DENND2A: variants seen among roughly 807,000 people sequenced by gnomAD.
DENND2A encodes the protein DENN domain containing 2A.
A neutral mutation model predicts 105.3 loss-of-function variants in DENND2A; 53 were observed. The ratio of observed to expected loss-of-function variants is 0.50; its 90% CI spans 0.40 to 0.63. DENND2A has a LOEUF of 0.63. Ranked by LOEUF, DENND2A falls within the 30% of genes least tolerant of loss-of-function variation. The pLI, the probability that DENND2A is intolerant of heterozygous loss-of-function variation, is 0.00. For synonymous variants in DENND2A, 522 were observed against 508.4 expected, an observed-to-expected ratio of 1.03 and a Z score of -0.36; for missense variants, 1,138 against 1,279.6, an observed-to-expected ratio of 0.89 and a Z score of 1.69.
chr7:140,580,478 C>T (rs921825169), intron 5 of DENND2A, among the ~76,000 whole-genome samples: 38 of 152,068 alleles, frequency 2.5e-4, no homozygotes, highest in African/African-American at 9.2e-4. Context: ...CACCACCATG[C>T]CTATCTAATT....
intron 14 of DENND2A, among the ~76,000 whole-genome samples, chr7:140,534,333 T>G (rs1481909159): frequency 6.6e-6 from 1 of 152,062 alleles, no homozygotes; most frequent in East Asian, 1.9e-4. Flanking sequence ...TCTGCCCACC[T>G]TGGCCTCCCA....
chr7:140,547,294 A>C (rs1796948631), intron 12 of DENND2A, among the ~76,000 whole-genome samples: 1 of 152,240 alleles, frequency 6.6e-6, no homozygotes, highest in South Asian at 2.1e-4. Flanking sequence ...GGGAGGAATG[A>C]AAAAACTTAG....
In DENND2A at chr7:140,574,001, A is replaced by C. The variant is rs1798202227; in HGVS notation, c.1253T>G (p.Leu418Trp). 6.2e-7 allele frequency: 1 copy of C among 1,614,162 alleles called. No homozygotes were observed. Among genetic ancestry groups the C allele is most frequent in the East Asian group, 2.2e-5 (1 of 44,874 alleles). ...SIPDTLTKQS[L>W]SKPAFFRQNS... ...TTGTCGGAAAAAAGCAGGTTTGGACAATGACTGCTGTGAAGGAAAAGGAGA... is the reference window on the plus strand; with the variant it reads ...TTGTCGGAAAAAAGCAGGTTTGGACCATGACTGCTGTGAAGGAAAAGGAGA... Residue 418 changes from leucine to tryptophan, a missense_variant, in exon 6 of 20, where the codon TTG becomes TGG. Leu to Trp is a moderately conservative substitution (Grantham distance 61). Around this residue, in one of 2 missense-constraint regions of DENND2A, gnomAD observed 627 missense variants for 779.8 expected, o/e 0.80. Transcript: ENST00000496613.
At chr7:140,585,539 C>A in intron 5 of DENND2A, 50 bp downstream of exon 5, 1 of 1,611,210 alleles carries the variant, frequency 6.2e-7, no homozygotes, top group Non-Finnish European at 8.5e-7. Flanking sequence ...GTGCTCAAGG[C>A]CACCATGCTT....
chr7:140,554,506 C>T (rs187763458), intron 12 of DENND2A, among the ~76,000 whole-genome samples: 42 of 150,760 alleles, frequency 2.8e-4, no homozygotes, highest in Non-Finnish European at 2.2e-4. Flanking sequence ...CGTGGTGGCA[C>T]GCGCCTGTAA....
At chr7:140,528,878 GGAGGCTGAGGTGGTCA>G (rs1796155524) in intron 14 of DENND2A, among the ~76,000 whole-genome samples, 1 of 152,090 alleles carries the variant, frequency 6.6e-6, no homozygotes, top group African/African-American at 2.4e-5. Context: ...CAGCACTTTG[GGAGGCTGAGGTGGTCA>G]GAAGTTCAAG....
intron 5 of DENND2A, among the ~76,000 whole-genome samples, chr7:140,574,503 G>A (rs1035230442): frequency 1.3e-5 from 2 of 152,028 alleles, no homozygotes; most frequent in East Asian, 3.9e-4. Context: ...ACAGGCATGA[G>A]CCACCACACC....
Position 140,616,169 on chromosome 7 carries a change from C to A in DENND2A, c.-247-10363G>T, listed in dbSNP as rs150662154. 3.6e-3 allele frequency among the ~76,000 whole-genome samples: 546 copies of A among 152,200 alleles called. 2 individuals carry two copies. The highest frequency in any genetic ancestry group is 0.012 in the African/African-American group (501 of 41,542). ...ATCACCTGAGCTCAGGAGTTCAAGA[C>A]CAGCCTGGCCAACATGGTGAAACCC... On this transcript the variant is annotated intron_variant, in intron 1 of 19. Coordinates refer to ENST00000496613, the MANE Select transcript of DENND2A (RefSeq NM_015689.5).
At chr7:140,522,177 T>G in intron 17 of DENND2A, 77 bp from the exon 18 acceptor site, 1 of 1,554,468 alleles carries the variant, frequency 6.4e-7, no homozygotes, top group Non-Finnish European at 8.7e-7. Context: ...AGCCAATTGG[T>G]AATCAAAGAA....
intron 12 of DENND2A, among the ~76,000 whole-genome samples, chr7:140,547,765 A>C (rs920771868): frequency 1.3e-5 from 2 of 152,244 alleles, no homozygotes; most frequent in African/African-American, 2.4e-5. Context: ...AGTGATAAAC[A>C]AAATGCACTA....
At chr7:140,558,356 C>A in intron 10 of DENND2A, 144 bp from the exon 11 acceptor site, 1 of 604,046 alleles carries the variant, frequency 1.7e-6, no homozygotes, top group Non-Finnish European at 3.0e-6. Context: ...CCCACCTGTC[C>A]CTGTCCATGC....
At chr7:140,548,840 C>T (rs1201166844) in intron 12 of DENND2A, among the ~76,000 whole-genome samples, 2 of 151,516 alleles carry the variant, frequency 1.3e-5, no homozygotes, top group Non-Finnish European at 1.5e-5. Context: ...CTCGAACTCC[C>T]GACCTCAGGT....
chr7:140,606,046 AT>A, intron 1 of DENND2A, among the ~76,000 whole-genome samples: 1 of 151,722 alleles, frequency 6.6e-6, no homozygotes, highest in African/African-American at 2.4e-5. Context: ...TTTTTTGTTC[AT>A]TTGTTTTTTT....
In DENND2A at chr7:140,526,923, CTTGG is replaced by C. The variant is rs780265765; in HGVS notation, c.2505+391_2505+394del. ...TCGATGCTAAACTGGACACCCAGAA[CTTGG>C]GGATTAAAAACATTTGTAACGGATA... On this transcript the variant is annotated intron_variant, in intron 15 of 19. Transcript: ENST00000496613. Among the ~76,000 whole-genome samples the C allele has an allele frequency of 1.4e-4, 21 of 152,268 alleles. No homozygotes were observed. In the East Asian group the frequency reaches 3.3e-3, roughly 24 times the overall value.
intron 1 of DENND2A, among the ~76,000 whole-genome samples, chr7:140,627,946 C>T (rs780944977): frequency 3.2e-4 from 49 of 152,078 alleles, no homozygotes; most frequent in South Asian, 8.3e-4. Context: ...CGTGTACCAC[C>T]ATGCCCAACT....
At chr7:140,538,565 G>A (rs947655135) in intron 14 of DENND2A, among the ~76,000 whole-genome samples, 13 of 152,102 alleles carry the variant, frequency 8.5e-5, no homozygotes, top group South Asian at 2.1e-4. Flanking sequence ...GGAGTGTAGC[G>A]GTGTGATCTC....
chr7:140,601,270 T>C (rs1799473173), intron 3 of DENND2A, 133 bp downstream of exon 3: 24 of 1,242,062 alleles, frequency 1.9e-5, no homozygotes, highest in Non-Finnish European at 2.5e-5. Flanking sequence ...TCTTAAGCTA[T>C]GAACCATCTG....
Position 140,620,794 on chromosome 7 carries a change from T to C in DENND2A, c.-247-14988A>G, listed in dbSNP as rs186201108. On this transcript the variant is annotated intron_variant, in intron 1 of 19. Coordinates refer to ENST00000496613, the MANE Select transcript of DENND2A (RefSeq NM_015689.5). ...CTCATTAGCTCCTTTCCCTTAGAGA[T>C]GACCAAGATTTAGATCCTGTTCTGC... Among the ~76,000 whole-genome samples the C allele has an allele frequency of 5.9e-5, 9 of 152,178 alleles. No individual in the cohort carries two copies. The East Asian group carries it at 1.2e-3, about 20-fold the overall frequency.
At chr7:140,535,666 C>T (rs190863123) in intron 14 of DENND2A, among the ~76,000 whole-genome samples, 41 of 152,006 alleles carry the variant, frequency 2.7e-4, no homozygotes, top group Admixed American at 4.6e-4. Flanking sequence ...ACGGCAACCT[C>T]TGCCTCACAG....
Sources: gnomAD v4.1 joint callset for allele counts (sites outside exome capture counted in the v4.1 genomes callset) on GRCh38, gnomAD v4.1.1 for gene constraint, gnomAD v4.1.1 regional missense constraint, MANE v1.5 for transcripts, NCBI Gene and HGNC (gene_info 2026-07-23, HGNC 2026-07-21) for gene names.